The following BCAT1 variants were observed in gnomAD, a reference collection of about 807,000 sequenced individuals.
The protein encoded by BCAT1 is branched-chain-amino-acid aminotransferase, cytosolic.
A neutral mutation model predicts 52.4 loss-of-function variants in BCAT1; 48 were observed. The observed-to-expected ratio is 0.92, with a 90% CI of 0.73 to 1.16. BCAT1 has a LOEUF of 1.16. BCAT1 is among the 50% of genes most tolerant of loss of function. BCAT1 has a pLI of 0.00. For missense variants in BCAT1, 451 were observed against 457.1 expected, an observed-to-expected ratio of 0.99 and a Z score of 0.12; for synonymous variants, 167 against 161.3, an observed-to-expected ratio of 1.04 and a Z score of -0.27.
rs887952433 is a variant in BCAT1, at chr12:24,903,936, G to C, written c.7-2051C>G. The C allele has an allele frequency of 6.6e-5, 10 of 152,324 alleles. No homozygotes were observed. The East Asian group carries it at 1.9e-3, about 29-fold the overall frequency. 9.4% of individuals were successfully genotyped at this position (152,324 alleles called of 1,614,324 possible). Reference sequence around the variant, plus strand: ...GGGGCTGACTTGATCTTGGAAAGAGGGGGAGGGCAGTTTATTCTGGGTGAA... The same window carrying C: ...GGGGCTGACTTGATCTTGGAAAGAGCGGGAGGGCAGTTTATTCTGGGTGAA... On this transcript the variant is annotated intron_variant, in intron 1 of 10. Coordinates refer to ENST00000261192, the MANE Select transcript of BCAT1 (RefSeq NM_005504.7).
chr12:24,821,725 T>C (rs1940138797), intron 10 of BCAT1, among the ~76,000 whole-genome samples: 2 of 152,120 alleles, frequency 1.3e-5, no homozygotes, highest in African/African-American at 4.8e-5. Flanking sequence ...AGTGAACGAT[T>C]CAAACAGCCC....
intron 1 of BCAT1, among the ~76,000 whole-genome samples, chr12:24,916,741 A>T (rs1374993330): frequency 2.0e-5 from 3 of 152,148 alleles, no homozygotes; most frequent in African/African-American, 4.8e-5. Context: ...GGGTTTCACC[A>T]TCTTGGCCAG....
At chr12:24,921,340 T>G (rs1461662627) in intron 1 of BCAT1, among the ~76,000 whole-genome samples, 3 of 152,126 alleles carry the variant, frequency 2.0e-5, no homozygotes, top group Admixed American at 6.5e-5. Flanking sequence ...GGACACTGGC[T>G]TTTTTTAGGC....
intron 2 of BCAT1, among the ~76,000 whole-genome samples, chr12:24,899,414 G>T (rs139161069): frequency 3.0e-3 from 461 of 152,100 alleles, no homozygotes; most frequent in African/African-American, 0.011. Flanking sequence ...AAAAGAGAAC[G>T]CTTATACACT....
chr12:24,945,630 C>T (rs1465459198), intron 1 of BCAT1: 1 of 152,106 alleles, frequency 6.6e-6, no homozygotes, highest in African/African-American at 2.4e-5. Context: ...GCCAGGAGTT[C>T]CAGACCAGCC....
chr12:24,825,463 G>GT (rs71448089), intron 10 of BCAT1, among the ~76,000 whole-genome samples: 12 of 147,442 alleles, frequency 8.1e-5, no homozygotes, highest in African/African-American at 1.2e-4. Flanking sequence ...GTTATTGCCT[G>GT]TTTTTTTTTT....
chr12:24,870,653 T>C (rs966928809), intron 5 of BCAT1, among the ~76,000 whole-genome samples: 4 of 152,044 alleles, frequency 2.6e-5, no homozygotes, highest in Non-Finnish European at 4.4e-5. Flanking sequence ...GGGATGGAGG[T>C]TAAGAGAATA....
chr12:24,848,280 T>C (rs1941403219), intron 6 of BCAT1, among the ~76,000 whole-genome samples: 1 of 152,196 alleles, frequency 6.6e-6, no homozygotes, highest in African/African-American at 2.4e-5. Context: ...TCCCCTATTA[T>C]ACCCCTTCCC....
At chr12:24,942,791 G>A (rs1482873091) in intron 1 of BCAT1, among the ~76,000 whole-genome samples, 1 of 152,194 alleles carries the variant, frequency 6.6e-6, no homozygotes, top group African/African-American at 2.4e-5. Flanking sequence ...TTCCAAACTA[G>A]TTGAAGATCG....
chr12:24,896,662 G>A (rs1272933011), intron 2 of BCAT1, among the ~76,000 whole-genome samples: 2 of 152,152 alleles, frequency 1.3e-5, no homozygotes, highest in East Asian at 3.9e-4. Context: ...AGCTACTTGG[G>A]AGGCTGAGGC....
intron 2 of BCAT1, among the ~76,000 whole-genome samples, chr12:24,895,675 CAA>C (rs1235788232): frequency 1.3e-5 from 2 of 152,010 alleles, no homozygotes; most frequent in African/African-American, 4.8e-5. Flanking sequence ...TTTGAATATA[CAA>C]AAAAAGTCTT....
intron 5 of BCAT1, among the ~76,000 whole-genome samples, chr12:24,877,544 T>C (rs1942381443): frequency 6.6e-6 from 1 of 152,208 alleles, no homozygotes; most frequent in Non-Finnish European, 1.5e-5. Context: ...AAACCTACCA[T>C]CCCAGCTCTT....
At chr12:24,875,181 C>T (rs1942296097) in intron 5 of BCAT1, among the ~76,000 whole-genome samples, 1 of 152,130 alleles carries the variant, frequency 6.6e-6, no homozygotes, top group Non-Finnish European at 1.5e-5. Context: ...GTCTTCCAGC[C>T]AGTACTTCAC....
chr12:24,843,653 G>C (rs897061044), intron 6 of BCAT1, among the ~76,000 whole-genome samples: 1 of 152,072 alleles, frequency 6.6e-6, no homozygotes, highest in Non-Finnish European at 1.5e-5. Context: ...TATATCTACT[G>C]TTTTCATCTG....
Position 24,815,894 on chromosome 12 carries a change from T to C in BCAT1, c.*2114A>G, listed in dbSNP as rs1471842. The C allele has an allele frequency of 0.73, 111,450 of 152,096 alleles. 40,938 individuals carry two copies. Among genetic ancestry groups the C allele is most frequent in the East Asian group, 0.87 (4,501 of 5,192 alleles). 9.4% of individuals were successfully genotyped at this position (152,096 alleles called of 1,614,324 possible). On this transcript the variant is annotated 3_prime_UTR_variant, in exon 11 of 11. Transcript: ENST00000261192. Reference sequence around the variant, plus strand: ...CTCATTTCTCATAGGAATAGAAATTTAGTTACTATGTACCACTAGACAGTT... The same window carrying C: ...CTCATTTCTCATAGGAATAGAAATTCAGTTACTATGTACCACTAGACAGTT...
chr12:24,846,720 T>A (rs1263944266), intron 6 of BCAT1, among the ~76,000 whole-genome samples: 1 of 152,208 alleles, frequency 6.6e-6, no homozygotes, highest in Non-Finnish European at 1.5e-5. Context: ...GGTGCCAACA[T>A]GATGCTCAAT....
intron 1 of BCAT1, among the ~76,000 whole-genome samples, chr12:24,935,357 C>G (rs759566175): frequency 6.6e-6 from 1 of 152,134 alleles, no homozygotes; most frequent in South Asian, 2.1e-4. Flanking sequence ...GGAAAGAGAG[C>G]TCTACATGTG....
rs1265064268 is a variant in BCAT1, at chr12:24,811,061, A to G, written c.*6947T>C. 2 of 152,226 alleles carry G rather than the reference A, an allele frequency of 1.3e-5. No individual in the cohort carries two copies. The highest frequency in any genetic ancestry group is 1.3e-4 in the Admixed American group (2 of 15,272). The allele number at this position is 152,226 out of a possible 1,614,324, so 9.4% of individuals were successfully genotyped here. ...GTAATCTACTCCCCCCATTCTGTGCAAATCTCAAACGACAAAGCTAAGTTT... is the reference window on the plus strand; with the variant it reads ...GTAATCTACTCCCCCCATTCTGTGCGAATCTCAAACGACAAAGCTAAGTTT... On this transcript the variant is annotated 3_prime_UTR_variant, in exon 11 of 11. Coordinates refer to ENST00000261192, the MANE Select transcript of BCAT1 (RefSeq NM_005504.7).
At chr12:24,825,328 C>T (rs1015824536) in intron 10 of BCAT1, among the ~76,000 whole-genome samples, 17 of 152,030 alleles carry the variant, frequency 1.1e-4, no homozygotes, top group African/African-American at 2.9e-4. Context: ...CTGGATCACA[C>T]GGAAGTTCTA....
Sources: allele counts gnomAD v4.1 joint callset (sites outside exome capture counted in the v4.1 genomes callset), GRCh38; gene constraint gnomAD v4.1.1; transcripts MANE v1.5; gene names NCBI Gene and HGNC (gene_info 2026-07-23, HGNC 2026-07-21).